DAPP1: variants seen among roughly 807,000 people sequenced by gnomAD.
DAPP1 encodes dual adaptor of phosphotyrosine and 3-phosphoinositides 1.
In DAPP1, 20 loss-of-function variants were observed where a neutral mutation model predicts 41.5. That is an observed-to-expected ratio of 0.48 (90% CI 0.34 to 0.70). The LOEUF (loss-of-function observed/expected upper bound fraction) is 0.70, where lower values mean the gene tolerates loss of function less well. Ranked by LOEUF, DAPP1 falls within the 30% of genes least tolerant of loss-of-function variation. DAPP1 has a pLI of 0.01. For missense variants in DAPP1, 233 were observed against 333.4 expected (o/e 0.70, Z 2.35); for synonymous variants, 113 against 116.2 (o/e 0.97, Z 0.18).
chr4:99,860,940 T>G (rs577666105), intron 4 of DAPP1, among the ~76,000 whole-genome samples: 2 of 152,334 alleles, frequency 1.3e-5, no homozygotes, highest in South Asian at 4.1e-4. Flanking sequence ...TACGTTTGAA[T>G]TAATGACAAC....
Position 99,866,082 on chromosome 4 carries a change from A to G in DAPP1, c.735A>G (p.Val245=). The change falls in exon 8 of 9, where the codon GTA becomes GTG. Residue 245 remains valine (V), a synonymous_variant. Transcript: ENST00000512369. The stretch of plus-strand genomic sequence containing the variant: ...TTTATCTCTGTGCAAAGACCGGAGT[A>G]GAAGCTGATGAGTGGATCAAGATAT... ...RTFYLCAKTG[V]EADEWIKILR... The G allele has an allele frequency of 6.2e-7, 1 of 1,600,290 alleles. No homozygotes were observed. The highest frequency in any genetic ancestry group is 1.1e-5 in the South Asian group (1 of 90,562).
At chr4:99,864,050 G>A in intron 7 of DAPP1, 195 bp downstream of exon 7, 2 of 474,106 alleles carry the variant, frequency 4.2e-6, no homozygotes, top group East Asian at 3.8e-5. Context: ...AGGCAGGTCA[G>A]CTCAGCTTAT....
intron 1 of DAPP1, among the ~76,000 whole-genome samples, chr4:99,818,987 C>T (rs1722681742): frequency 6.6e-6 from 1 of 152,180 alleles, no homozygotes; most frequent in South Asian, 2.1e-4. Flanking sequence ...CTACCAAATG[C>T]ATTAGGTAAA....
At chr4:99,835,199 G>T (rs985961380) in intron 1 of DAPP1, among the ~76,000 whole-genome samples, 2 of 151,974 alleles carry the variant, frequency 1.3e-5, no homozygotes, top group African/African-American at 4.8e-5. Flanking sequence ...AATGGAGACG[G>T]GGTGTCACCA....
At chr4:99,830,071 T>C (rs1254218632) in intron 1 of DAPP1, among the ~76,000 whole-genome samples, 2 of 152,200 alleles carry the variant, frequency 1.3e-5, no homozygotes, top group Non-Finnish European at 2.9e-5. Flanking sequence ...AACTGGAATA[T>C]TCAAATTTTT....
At position 99,868,195 on chromosome 4, in the gene DAPP1, G is replaced by T; in HGVS notation, c.*10G>T. ...GTTCATCTTTAAATAGATCTTTCTTGCCAAGGAATGCTCTGGCCCAGGAGC... is the reference window on the plus strand; with the variant it reads ...GTTCATCTTTAAATAGATCTTTCTTTCCAAGGAATGCTCTGGCCCAGGAGC... On this transcript the variant is annotated 3_prime_UTR_variant, in exon 9 of 9. Transcript: ENST00000512369. 6.2e-7 allele frequency: 1 copy of T among 1,612,060 alleles called. No individual in the cohort carries two copies. Among genetic ancestry groups the T allele is most frequent in the Non-Finnish European group, 8.5e-7 (1 of 1,178,252 alleles).
intron 3 of DAPP1, among the ~76,000 whole-genome samples, chr4:99,852,040 A>G (rs1723880028): frequency 2.0e-5 from 3 of 151,992 alleles, no homozygotes; most frequent in Non-Finnish European, 4.4e-5. Flanking sequence ...TACCTTTTCT[A>G]TTCTCTATCC....
intron 3 of DAPP1, among the ~76,000 whole-genome samples, chr4:99,848,002 C>T (rs1465864902): frequency 6.6e-6 from 1 of 151,404 alleles, no homozygotes; most frequent in Admixed American, 6.6e-5. Context: ...GTAGTAGAGA[C>T]GGGGTTTCAT....
At chr4:99,847,799 A>AATTT (rs112765009) in intron 3 of DAPP1, among the ~76,000 whole-genome samples, 1 of 150,718 alleles carries the variant, frequency 6.6e-6, no homozygotes, top group African/African-American at 2.4e-5. Context: ...ACAGTAGATA[A>AATTT]GTTTGTTTGT....
At chr4:99,834,965 CA>C in intron 1 of DAPP1, among the ~76,000 whole-genome samples, 1 of 151,958 alleles carries the variant, frequency 6.6e-6, no homozygotes, top group East Asian at 1.9e-4. Context: ...TCCCTTTTTA[CA>C]AGAGGACACC....
At chr4:99,838,516 CTG>C (rs1293070646) in intron 2 of DAPP1, among the ~76,000 whole-genome samples, 1 of 152,196 alleles carries the variant, frequency 6.6e-6, no homozygotes, top group Non-Finnish European at 1.5e-5. Flanking sequence ...CAGGATGAAA[CTG>C]TTCCACCTCA....
chr4:99,866,826 G>A (rs1283475086), intron 8 of DAPP1, among the ~76,000 whole-genome samples: 1 of 144,022 alleles, frequency 6.9e-6, no homozygotes, highest in Non-Finnish European at 1.5e-5. Flanking sequence ...CTGGAGTGCA[G>A]TGGTGTGATC....
chr4:99,869,528 C>T lies in DAPP1; in HGVS notation c.*1343C>T, dbSNP rs1026821027. The T allele has an allele frequency of 5.3e-5, 8 of 152,174 alleles. No individual in the cohort carries two copies. Among genetic ancestry groups the T allele is most frequent in the African/African-American group, 1.9e-4 (8 of 41,428 alleles). 9.4% of individuals were successfully genotyped at this position (152,174 alleles called of 1,614,324 possible). Reference sequence around the variant, plus strand: ...TTAAACATCTCAGACGCAAAAATTACATTAAATTTTTGTATATTTCAACAA... The same window carrying T: ...TTAAACATCTCAGACGCAAAAATTATATTAAATTTTTGTATATTTCAACAA... On this transcript the variant is annotated 3_prime_UTR_variant, in exon 9 of 9. Transcript: ENST00000512369.
At chr4:99,846,121 C>G (rs1723656133) in intron 3 of DAPP1, among the ~76,000 whole-genome samples, 1 of 152,022 alleles carries the variant, frequency 6.6e-6, no homozygotes, top group South Asian at 2.1e-4. Context: ...AAACTGAGGC[C>G]TGGTTAGAAA....
chr4:99,844,808 C>T (rs1560698506), intron 3 of DAPP1: 1 of 152,034 alleles, frequency 6.6e-6, no homozygotes, highest in Non-Finnish European at 1.5e-5. Flanking sequence ...ATGGGGATTC[C>T]CAATCTTTTG....
In DAPP1 at chr4:99,855,359, G is replaced by A. The variant is rs143373755; in HGVS notation, c.489+2011G>A. 8.7e-3 allele frequency among the ~76,000 whole-genome samples: 1,320 copies of A among 152,184 alleles called. 5 individuals are homozygous for A. Among genetic ancestry groups the A allele is most frequent in the South Asian group, 0.017 (82 of 4,826 alleles). On this transcript the variant is annotated intron_variant, in intron 4 of 8. Coordinates refer to ENST00000512369, the MANE Select transcript of DAPP1 (RefSeq NM_014395.3). The stretch of plus-strand genomic sequence containing the variant: ...TGTCCTATTAAGCGTGTTCTTTATC[G>A]GCAATAAAATGCAGATAATACCTAA...
intron 3 of DAPP1, among the ~76,000 whole-genome samples, chr4:99,844,882 G>A (rs1332308255): frequency 6.6e-6 from 1 of 152,230 alleles, no homozygotes; most frequent in Admixed American, 6.5e-5. Context: ...TTTAAATAAT[G>A]TGGTTAAAAT....
At chr4:99,830,403 T>A (rs1348317643) in intron 1 of DAPP1, among the ~76,000 whole-genome samples, 7 of 151,940 alleles carry the variant, frequency 4.6e-5, no homozygotes, top group African/African-American at 1.7e-4. Context: ...AAATTGAATA[T>A]AGAGCAAATT....
At chr4:99,823,522 G>T (rs1423343311) in intron 1 of DAPP1, among the ~76,000 whole-genome samples, 1 of 152,092 alleles carries the variant, frequency 6.6e-6, no homozygotes, top group East Asian at 1.9e-4. Flanking sequence ...GTATAATTTT[G>T]CTTTTGCTTT....
Sources: allele counts gnomAD v4.1 joint callset (sites outside exome capture counted in the v4.1 genomes callset), GRCh38; gene constraint gnomAD v4.1.1; transcripts MANE v1.5; gene names NCBI Gene and HGNC (gene_info 2026-07-23, HGNC 2026-07-21).